Variants in RORA observed in about 807,000 individuals in gnomAD.
The protein encoded by RORA is RAR related orphan receptor A, also known as nuclear receptor ROR-alpha.
In RORA, 7 loss-of-function variants were observed where a neutral mutation model predicts 69.5. That is an observed-to-expected ratio of 0.10 (90% CI 0.06 to 0.19). RORA has a LOEUF of 0.19. RORA is among the 10% of genes least tolerant of loss of function. The pLI is 1.00. For missense variants in RORA, 457 were observed against 663.0 expected (o/e 0.69, Z 3.41); for synonymous variants, 261 against 240.8 (o/e 1.08, Z -0.78).
chr15:60,538,977 G>C (rs994977421), intron 2 of RORA, among the ~76,000 whole-genome samples: 1 of 143,014 alleles, frequency 7.0e-6, no homozygotes, highest in African/African-American at 2.6e-5. Flanking sequence ...TCAATAAAAA[G>C]TGTTGAGTAT....
intron 1 of RORA, among the ~76,000 whole-genome samples, chr15:60,890,070 A>G (rs548781847): frequency 1.3e-4 from 20 of 152,324 alleles, no homozygotes; most frequent in African/African-American, 4.6e-4. Flanking sequence ...CTCGGAGTCT[A>G]TCTTTCCATA....
Position 61,012,289 on chromosome 15 carries a change from C to T in RORA, c.166+216764G>A, listed in dbSNP as rs372092884. Reference sequence around the variant, plus strand: ...CAGTAAATTTAGCTAATACTATCAACGCTTTCCCAATTTGTTCCTATAGGG... The same window carrying T: ...CAGTAAATTTAGCTAATACTATCAATGCTTTCCCAATTTGTTCCTATAGGG... On this transcript the variant is annotated intron_variant, in intron 1 of 10. Coordinates refer to ENST00000335670, the MANE Select transcript of RORA (RefSeq NM_134261.3). 3.3e-4 allele frequency among the ~76,000 whole-genome samples: 51 copies of T among 152,304 alleles called. 2 individuals carry two copies. In the South Asian group the frequency reaches 7.2e-3, roughly 22 times the overall value.
chr15:60,852,266 T>G (rs341411), intron 1 of RORA, among the ~76,000 whole-genome samples: 2 of 152,118 alleles, frequency 1.3e-5, no homozygotes, highest in African/African-American at 4.8e-5. Context: ...TGGAGGCTTA[T>G]AGGAGCTAAC....
intron 1 of RORA, among the ~76,000 whole-genome samples, chr15:61,110,497 C>T (rs782922): frequency 1 from 152,276 of 152,308 alleles, 76,122 homozygotes; most frequent in Non-Finnish European, 1. Flanking sequence ...TAATATGCTT[C>T]ATATTGTCAT....
chr15:60,650,331 C>G (rs746859769), intron 2 of RORA, among the ~76,000 whole-genome samples: 2 of 152,118 alleles, frequency 1.3e-5, no homozygotes, highest in Non-Finnish European at 2.9e-5. Context: ...ATGGTTATTT[C>G]AGCTTCAGTT....
At chr15:60,578,186 A>G (rs1399527343) in intron 2 of RORA, among the ~76,000 whole-genome samples, 1 of 152,214 alleles carries the variant, frequency 6.6e-6, no homozygotes, top group East Asian at 1.9e-4. Flanking sequence ...TGAGTGGATC[A>G]TTTACCTACA....
chr15:61,214,528 T>C (rs193128181), intron 1 of RORA, among the ~76,000 whole-genome samples: 1 of 152,350 alleles, frequency 6.6e-6, no homozygotes, highest in Admixed American at 6.5e-5. Context: ...CTCATCTCTA[T>C]GGACAAGTCT....
At chr15:61,162,878 G>A (rs1432870605) in intron 1 of RORA, among the ~76,000 whole-genome samples, 4 of 152,140 alleles carry the variant, frequency 2.6e-5, no homozygotes, top group African/African-American at 9.7e-5. Flanking sequence ...CACTATTACT[G>A]GGGAATTTGG....
intron 1 of RORA, among the ~76,000 whole-genome samples, chr15:60,727,015 G>A (rs561339971): frequency 5.3e-5 from 8 of 152,132 alleles, no homozygotes; most frequent in African/African-American, 1.4e-4. Flanking sequence ...CATTTTGATC[G>A]CAAACTCCTG....
At chr15:60,985,815 C>A (rs1419053089) in intron 1 of RORA, among the ~76,000 whole-genome samples, 2 of 152,076 alleles carry the variant, frequency 1.3e-5, no homozygotes, top group Non-Finnish European at 2.9e-5. Context: ...AATCTCTTGA[C>A]CTCATCCGCC....
intron 2 of RORA, among the ~76,000 whole-genome samples, chr15:60,597,551 C>CACACAACATAT (rs1555435946): frequency 1.6e-4 from 4 of 25,136 alleles, no homozygotes; most frequent in Admixed American, 6.7e-4. Context: ...ACACACACAA[C>CACACAACATAT]ATATATATAT....
chr15:60,616,991 T>C (rs1343484667), intron 2 of RORA, among the ~76,000 whole-genome samples: 4 of 152,172 alleles, frequency 2.6e-5, no homozygotes, highest in Non-Finnish European at 4.4e-5. Flanking sequence ...GACAATGCAT[T>C]TGGGGGAAGA....
rs541280786 is a variant in RORA, at chr15:61,132,447, T to C, written c.166+96606A>G. On this transcript the variant is annotated intron_variant, in intron 1 of 10. Coordinates refer to ENST00000335670, the MANE Select transcript of RORA (RefSeq NM_134261.3). ...ACCCTTGACCCGATTTTATAGGCAT[T>C]ACATATCCCAGTTCCGGATAAAAGG... 3.3e-5 allele frequency among the ~76,000 whole-genome samples: 5 copies of C among 152,328 alleles called. No individual in the cohort carries two copies. In the South Asian group the frequency reaches 6.2e-4, roughly 19 times the overall value.
intron 2 of RORA, among the ~76,000 whole-genome samples, chr15:60,546,064 C>T (rs964628579): frequency 5.9e-5 from 9 of 152,172 alleles, no homozygotes; most frequent in Admixed American, 5.9e-4. Flanking sequence ...ATCCGTTCCA[C>T]CTGCTACATG....
At chr15:60,591,403 C>T (rs1409272396) in intron 2 of RORA, among the ~76,000 whole-genome samples, 1 of 152,196 alleles carries the variant, frequency 6.6e-6, no homozygotes, top group Non-Finnish European at 1.5e-5. Context: ...ACTTCCTGAA[C>T]ACCTCCAAAC....
intron 1 of RORA, among the ~76,000 whole-genome samples, chr15:61,045,845 C>G (rs988105652): frequency 1.3e-5 from 2 of 152,198 alleles, no homozygotes; most frequent in African/African-American, 4.8e-5. Flanking sequence ...TATAAAAACA[C>G]ATAAAGCCAT....
At chr15:61,118,125 G>A (rs1434022850) in intron 1 of RORA, among the ~76,000 whole-genome samples, 2 of 152,152 alleles carry the variant, frequency 1.3e-5, no homozygotes, top group Non-Finnish European at 2.9e-5. Context: ...AAACAGCCAT[G>A]CAAACAGATA....
At chr15:61,057,438 C>T (rs1486578467) in intron 1 of RORA, among the ~76,000 whole-genome samples, 1 of 152,218 alleles carries the variant, frequency 6.6e-6, no homozygotes, top group Non-Finnish European at 1.5e-5. Context: ...TTTAGAATTT[C>T]TGCTGGGAAG....
Position 60,890,508 on chromosome 15 carries a change from C to T in RORA, c.167-211822G>A, listed in dbSNP as rs546798399. ...TGAGCACATAAGCCATGGAGGATGA[C>T]GCTGCAGAGGAGAACATGTGTTCCT... On this transcript the variant is annotated intron_variant, in intron 1 of 10. Coordinates refer to ENST00000335670, the MANE Select transcript of RORA (RefSeq NM_134261.3). Among the ~76,000 whole-genome samples the T allele has an allele frequency of 1.8e-4, 27 of 152,310 alleles. No homozygotes were observed. The South Asian group carries it at 5.0e-3, about 28-fold the overall frequency.
Sources: allele counts gnomAD v4.1 joint callset (sites outside exome capture counted in the v4.1 genomes callset), GRCh38; gene constraint gnomAD v4.1.1; transcripts MANE v1.5; gene names NCBI Gene and HGNC (gene_info 2026-07-23, HGNC 2026-07-21).